AGPAT3: variants seen among roughly 807,000 people sequenced by gnomAD.
AGPAT3 encodes 1-acylglycerol-3-phosphate O-acyltransferase 3.
Under a neutral mutation model 47.3 loss-of-function variants are expected in AGPAT3, and 5 were observed. That is an observed-to-expected ratio of 0.11 (90% CI 0.06 to 0.22). The LOEUF (loss-of-function observed/expected upper bound fraction) is 0.22, where lower values mean the gene tolerates loss of function less well. Ranked by LOEUF, AGPAT3 falls within the 10% of genes least tolerant of loss-of-function variation. AGPAT3 has a pLI of 1.00. For missense variants in AGPAT3, 315 were observed against 493.0 expected (o/e 0.64, Z 3.42); for synonymous variants, 212 against 208.3 (o/e 1.02, Z -0.15).
chr21:43,927,705 GGGTTT>G (rs2087103117), intron 2 of AGPAT3, among the ~76,000 whole-genome samples: 1 of 152,174 alleles, frequency 6.6e-6, no homozygotes, highest in South Asian at 2.1e-4. Flanking sequence ...GAGATGGCCT[GGGTTT>G]TGAGTCCTGA....
At chr21:43,923,677 G>A (rs1319929923) in intron 2 of AGPAT3, among the ~76,000 whole-genome samples, 2 of 152,248 alleles carry the variant, frequency 1.3e-5, no homozygotes, top group African/African-American at 2.4e-5. Context: ...TACCAGCTGT[G>A]TCTGCTGGTT....
chr21:43,918,653 C>T (rs1441829103), intron 2 of AGPAT3, among the ~76,000 whole-genome samples: 1 of 148,508 alleles, frequency 6.7e-6, no homozygotes, highest in Admixed American at 6.8e-5. Flanking sequence ...GTGGTACGAT[C>T]TTGGCTCACC....
At chr21:43,962,301 C>T (rs1291290644) in intron 3 of AGPAT3, among the ~76,000 whole-genome samples, 1 of 152,136 alleles carries the variant, frequency 6.6e-6, no homozygotes, top group Non-Finnish European at 1.5e-5. Context: ...CGCGCCCGGC[C>T]AGTTTGTTTC....
chr21:43,969,667 T>G (rs1360224832), intron 5 of AGPAT3, among the ~76,000 whole-genome samples: 8 of 152,132 alleles, frequency 5.3e-5, no homozygotes, highest in Non-Finnish European at 1.0e-4. Context: ...TGTTTTTTTG[T>G]TTTCTTGTTC....
intron 7 of AGPAT3, among the ~76,000 whole-genome samples, chr21:43,974,790 G>A (rs2089542637): frequency 6.6e-6 from 1 of 152,156 alleles, no homozygotes. Context: ...GCCAGTGTGG[G>A]CCTCTGGGCA....
intron 2 of AGPAT3, among the ~76,000 whole-genome samples, chr21:43,949,112 A>G (rs184169939): frequency 3.1e-3 from 474 of 152,196 alleles, no homozygotes; most frequent in Non-Finnish European, 5.6e-3. Flanking sequence ...TTCCATATGA[A>G]CTATAGAATC....
At chr21:43,886,081 G>A (rs999662376) in intron 1 of AGPAT3, among the ~76,000 whole-genome samples, 3 of 152,330 alleles carry the variant, frequency 2.0e-5, no homozygotes, top group South Asian at 2.1e-4. Flanking sequence ...CTGGGTGGAC[G>A]CAGCACCTGC....
rs984987236 is a variant in AGPAT3 at position 43,986,724 on chromosome 21, A to G, written c.*4332A>G. On this transcript the variant is annotated 3_prime_UTR_variant, in exon 10 of 10. Coordinates refer to ENST00000291572, the MANE Select transcript of AGPAT3 (RefSeq NM_020132.5). ...ACACAAACCATTGACCTGAGTGCGC[A>G]TGACAGCCACTGGCTTCTTTTTCTA... Among the ~76,000 whole-genome samples, 10 of 152,250 alleles carry G rather than the reference A, an allele frequency of 6.6e-5. No homozygotes were observed. Among genetic ancestry groups the G allele is most frequent in the Admixed American group, 6.5e-4 (10 of 15,286 alleles).
chr21:43,905,154 AATATTTATT>A (rs1327988426), intron 2 of AGPAT3, among the ~76,000 whole-genome samples: 3 of 115,212 alleles, frequency 2.6e-5, no homozygotes, highest in Admixed American at 9.3e-5. Context: ...TTTTAAAAAA[AATATTTATT>A]TATTTATTTA....
rs1601372976 is a variant in AGPAT3 at position 43,942,334 on chromosome 21, G to C, written c.-48-17300G>C. 3.3e-5 allele frequency among the ~76,000 whole-genome samples: 5 copies of C among 152,308 alleles called. 1 individual carries two copies. The Middle Eastern group carries it at 0.014, about 414-fold the overall frequency. On this transcript the variant is annotated intron_variant, in intron 2 of 9. Transcript: ENST00000291572. ...GGCACCACGGGTCCAGGGAGGCCTC[G>C]CCAGCTCCCTCCCAGAGCAGGAAGG...
At chr21:43,876,686 T>C (rs1281355973) in intron 1 of AGPAT3, among the ~76,000 whole-genome samples, 5 of 152,188 alleles carry the variant, frequency 3.3e-5, no homozygotes, top group Admixed American at 2.0e-4. Context: ...AGATTAGATA[T>C]ACCAAAATGA....
At chr21:43,974,547 ATGTG>A (rs376097337) in intron 7 of AGPAT3, among the ~76,000 whole-genome samples, 230 of 149,022 alleles carry the variant, frequency 1.5e-3, no homozygotes, top group African/African-American at 5.2e-3. Flanking sequence ...TGTAAATTAT[ATGTG>A]TGTGGTGTGT....
At chr21:43,977,885 C>CAA (rs573227227) in intron 7 of AGPAT3, among the ~76,000 whole-genome samples, 161 bp from the exon 8 acceptor site, 2,028 of 117,338 alleles carry the variant, frequency 0.017, 47 homozygotes, top group African/African-American at 0.058. Context: ...GACTCCATCT[C>CAA]AAAAAAAAAA....
chr21:43,944,716 G>T (rs536323583), intron 2 of AGPAT3, among the ~76,000 whole-genome samples: 15 of 152,224 alleles, frequency 9.9e-5, no homozygotes, highest in Non-Finnish European at 2.1e-4. Flanking sequence ...ACAAAACTTG[G>T]GTTTCATCTA....
intron 3 of AGPAT3, among the ~76,000 whole-genome samples, chr21:43,962,413 TA>T (rs2088918540): frequency 6.6e-6 from 1 of 152,162 alleles, no homozygotes; most frequent in African/African-American, 2.4e-5. Flanking sequence ...TATAACTGGA[TA>T]AGATGAATAC....
intron 2 of AGPAT3, among the ~76,000 whole-genome samples, chr21:43,915,531 C>G (rs975106066): frequency 5.4e-5 from 8 of 148,918 alleles, no homozygotes; most frequent in African/African-American, 2.0e-4. Context: ...CCTGCCTCAG[C>G]CTCCTGAGTA....
chr21:43,921,857 GC>G (rs2086902542), intron 2 of AGPAT3, among the ~76,000 whole-genome samples: 1 of 151,988 alleles, frequency 6.6e-6, no homozygotes, highest in African/African-American at 2.4e-5. Flanking sequence ...CCTCCTGACA[GC>G]CTCCCACCCC....
chr21:43,921,220 G>A lies in AGPAT3; in HGVS notation c.-49+17201G>A, dbSNP rs770366407. On this transcript the variant is annotated intron_variant, in intron 2 of 9. Coordinates refer to ENST00000291572, the MANE Select transcript of AGPAT3 (RefSeq NM_020132.5). Reference sequence around the variant, plus strand: ...GGAGTCATTGGAAAGCCACCCTGTAGCTGGTCAGTCAGAAGCACTGGACAC... The same window carrying A: ...GGAGTCATTGGAAAGCCACCCTGTAACTGGTCAGTCAGAAGCACTGGACAC... Among the ~76,000 whole-genome samples, 3 of 152,212 alleles carry A rather than the reference G, an allele frequency of 2.0e-5. No individual in the cohort carries two copies. The South Asian group carries it at 6.2e-4, about 31-fold the overall frequency.
intron 2 of AGPAT3, among the ~76,000 whole-genome samples, chr21:43,945,153 G>A (rs1360495996): frequency 6.6e-6 from 1 of 152,230 alleles, no homozygotes; most frequent in East Asian, 1.9e-4. Context: ...TTGCATATGT[G>A]CACATCCAGC....
Sources: allele counts gnomAD v4.1 joint callset (sites outside exome capture counted in the v4.1 genomes callset), GRCh38; gene constraint gnomAD v4.1.1; transcripts MANE v1.5; gene names NCBI Gene and HGNC (gene_info 2026-07-23, HGNC 2026-07-21).